Variants in PTPRD observed in about 807,000 individuals in gnomAD.
PTPRD encodes the protein receptor-type tyrosine-protein phosphatase delta.
A neutral mutation model predicts 214.5 loss-of-function variants in PTPRD; 34 were observed. The ratio of observed to expected loss-of-function variants is 0.16; its 90% CI spans 0.12 to 0.21. The LOEUF (loss-of-function observed/expected upper bound fraction) is 0.21. Ranked by LOEUF, PTPRD falls within the 10% of genes least tolerant of loss-of-function variation. PTPRD has a pLI of 1.00. For missense variants in PTPRD, 2,545 were observed against 2,398.7 expected (o/e 1.06, Z -1.27); for synonymous variants, 1,128 against 845.7 (o/e 1.33, Z -5.79).
intron 8 of PTPRD, among the ~76,000 whole-genome samples, chr9:9,546,064 T>C (rs1407951953): frequency 6.6e-6 from 1 of 151,782 alleles, no homozygotes; most frequent in Non-Finnish European, 1.5e-5. Context: ...TGGTATTGTG[T>C]TTTTAATCTC....
intron 3 of PTPRD, among the ~76,000 whole-genome samples, chr9:10,333,776 CT>C (rs2096794310): frequency 6.6e-6 from 1 of 151,742 alleles, no homozygotes; most frequent in Non-Finnish European, 1.5e-5. Context: ...ATTTCTTCTC[CT>C]GTACATTTTA....
At chr9:9,829,963 G>A (rs960894746) in intron 5 of PTPRD, among the ~76,000 whole-genome samples, 1 of 151,670 alleles carries the variant, frequency 6.6e-6, no homozygotes, top group Admixed American at 6.6e-5. Context: ...CAATAGAGTA[G>A]ACTTTCTTTT....
chr9:9,687,062 G>T (rs2097178574), intron 7 of PTPRD, among the ~76,000 whole-genome samples: 1 of 151,624 alleles, frequency 6.6e-6, no homozygotes, highest in South Asian at 2.1e-4. Context: ...ACAGTGTAGT[G>T]TTCAAAAAAG....
chr9:9,114,652 C>T (rs1040647827), intron 10 of PTPRD, among the ~76,000 whole-genome samples: 12 of 152,010 alleles, frequency 7.9e-5, no homozygotes, highest in Non-Finnish European at 1.3e-4. Context: ...TCCCTTCCCC[C>T]GACAAAGATT....
At chr9:10,211,883 G>A (rs1365989877) in intron 3 of PTPRD, among the ~76,000 whole-genome samples, 1 of 152,066 alleles carries the variant, frequency 6.6e-6, no homozygotes, top group East Asian at 1.9e-4. Flanking sequence ...TGCACTAAAA[G>A]CCCAGACTTT....
At chr9:10,430,755 T>G (rs1448064430) in intron 2 of PTPRD, among the ~76,000 whole-genome samples, 2 of 152,038 alleles carry the variant, frequency 1.3e-5, no homozygotes, top group Non-Finnish European at 1.5e-5. Context: ...CAAAAAAGAT[T>G]GTTATGTTTT....
intron 10 of PTPRD, among the ~76,000 whole-genome samples, chr9:9,072,496 T>G (rs2099745219): frequency 6.6e-6 from 1 of 152,200 alleles, no homozygotes; most frequent in Non-Finnish European, 1.5e-5. Flanking sequence ...TTACTATCTT[T>G]CAAGATTAAG....
chr9:10,053,830 C>G (rs1254006734), intron 3 of PTPRD, among the ~76,000 whole-genome samples: 1 of 152,114 alleles, frequency 6.6e-6, no homozygotes, highest in Non-Finnish European at 1.5e-5. Flanking sequence ...ATGATCTTGG[C>G]TCACTGCAAC....
intron 7 of PTPRD, among the ~76,000 whole-genome samples, chr9:9,605,079 T>A (rs1410658089): frequency 6.6e-6 from 1 of 152,062 alleles, no homozygotes; most frequent in Non-Finnish European, 1.5e-5. Flanking sequence ...AAAGCATCTA[T>A]TTTCATCTAG....
At chr9:8,453,934 G>A (rs4404972) in intron 33 of PTPRD, among the ~76,000 whole-genome samples, 64,812 of 151,934 alleles carry the variant, frequency 0.43, 14,660 homozygotes, top group East Asian at 0.58. Flanking sequence ...AATTTTAATC[G>A]GGAATTTATA....
intron 35 of PTPRD, among the ~76,000 whole-genome samples, chr9:8,408,362 G>C (rs568991172): frequency 1.3e-5 from 2 of 152,098 alleles, no homozygotes; most frequent in South Asian, 4.2e-4. Flanking sequence ...GTTTTCCTGA[G>C]CTTGACTCCT....
At chr9:9,631,670 G>A (rs965500377) in intron 7 of PTPRD, among the ~76,000 whole-genome samples, 9 of 152,124 alleles carry the variant, frequency 5.9e-5, no homozygotes, top group African/African-American at 2.2e-4. Context: ...GGAGCAAGTT[G>A]CCCTCTCTAT....
chr9:8,605,392 A>G (rs1369132137), intron 14 of PTPRD, among the ~76,000 whole-genome samples: 3 of 152,206 alleles, frequency 2.0e-5, no homozygotes, highest in African/African-American at 7.2e-5. Context: ...AGAGAAAAAA[A>G]ACTGAGAGCC....
chr9:9,734,128 A>G (rs1385590923), intron 7 of PTPRD, among the ~76,000 whole-genome samples: 1 of 152,156 alleles, frequency 6.6e-6, no homozygotes, highest in Non-Finnish European at 1.5e-5. Context: ...AAACTTTTAA[A>G]CACCCAATTT....
intron 2 of PTPRD, among the ~76,000 whole-genome samples, chr9:10,574,368 C>A (rs2068473887): frequency 6.6e-6 from 1 of 152,032 alleles, no homozygotes; most frequent in African/African-American, 2.4e-5. Flanking sequence ...AAATGCTAAT[C>A]CATTCTCAGG....
At chr9:9,162,711 C>A (rs1433351775) in intron 10 of PTPRD, among the ~76,000 whole-genome samples, 1 of 152,088 alleles carries the variant, frequency 6.6e-6, no homozygotes, top group Non-Finnish European at 1.5e-5. Flanking sequence ...ACCTTCAACA[C>A]AAACTACCTC....
At chr9:9,223,040 C>A (rs139319602) in intron 9 of PTPRD, among the ~76,000 whole-genome samples, 47 of 152,026 alleles carry the variant, frequency 3.1e-4, no homozygotes, top group African/African-American at 1.1e-3. Context: ...TGTTTTAAAT[C>A]TGAACTACAA....
chr9:8,349,970 C>T (rs147397821), intron 39 of PTPRD, among the ~76,000 whole-genome samples: 64 of 148,740 alleles, frequency 4.3e-4, no homozygotes, highest in African/African-American at 1.4e-3. Flanking sequence ...AAGTGATAGA[C>T]GTTCCAGTGT....
chr9:10,561,432 A>G (rs1280259293), intron 2 of PTPRD, among the ~76,000 whole-genome samples: 1 of 152,144 alleles, frequency 6.6e-6, no homozygotes, highest in African/African-American at 2.4e-5. Context: ...TTATTTCTCC[A>G]CTGCAACTTG....
Sources: allele counts gnomAD v4.1 joint callset (sites outside exome capture counted in the v4.1 genomes callset), GRCh38; gene constraint gnomAD v4.1.1; transcripts MANE v1.5; gene names NCBI Gene and HGNC (gene_info 2026-07-23, HGNC 2026-07-21).